PCDHA5: variants seen among roughly 807,000 people sequenced by gnomAD.
PCDHA5 encodes protocadherin alpha-5.
PCDHA5 carries 43 observed loss-of-function variants against 61.6 expected under a neutral mutation model. The ratio of observed to expected loss-of-function variants is 0.70; its 90% CI spans 0.55 to 0.90. PCDHA5 has a LOEUF of 0.90. PCDHA5 is among the 40% of genes least tolerant of loss of function. PCDHA5 has a pLI of 0.00. For missense variants in PCDHA5, 1,298 were observed against 1,222.7 expected, an observed-to-expected ratio of 1.06 and a Z score of -0.92; for synonymous variants, 627 against 543.9, an observed-to-expected ratio of 1.15 and a Z score of -2.13.
intron 1 of PCDHA5, among the ~76,000 whole-genome samples, chr5:140,896,506 A>G (rs1231827987): frequency 2.7e-5 from 4 of 150,856 alleles, no homozygotes; most frequent in African/African-American, 9.7e-5. Flanking sequence ...GGGACTGTGC[A>G]GGCACACACC....
chr5:140,858,376 A>ACATC, intron 1 of PCDHA5: 1 of 1,587,998 alleles, frequency 6.3e-7, no homozygotes, highest in Non-Finnish European at 8.6e-7. Flanking sequence ...GCCTTCCACC[A>ACATC]TGCCCAATGG....
chr5:140,848,986 AGAACGCC>A (rs2040724980), intron 1 of PCDHA5: 1 of 1,597,958 alleles, frequency 6.3e-7, no homozygotes, highest in African/African-American at 1.4e-5. Flanking sequence ...GATATCGGGG[AGAACGCC>A]CTGCTCACTT....
chr5:140,961,648 G>A (rs367674015), intron 1 of PCDHA5, among the ~76,000 whole-genome samples: 1 of 152,156 alleles, frequency 6.6e-6, no homozygotes, highest in African/African-American at 2.4e-5. Flanking sequence ...AGTCTATGTG[G>A]TTAGTTTGAA....
chr5:140,892,332 T>C (rs552266223), intron 1 of PCDHA5, among the ~76,000 whole-genome samples: 41 of 152,392 alleles, frequency 2.7e-4, no homozygotes, highest in African/African-American at 9.9e-4. Flanking sequence ...TTCTCCAGAA[T>C]GGATTTTAAT....
chr5:140,889,831 T>C (rs2062398202), intron 1 of PCDHA5, among the ~76,000 whole-genome samples: 1 of 152,138 alleles, frequency 6.6e-6, no homozygotes, highest in African/African-American at 2.4e-5. Flanking sequence ...AGTCTTACAG[T>C]ATGCTTTGGT....
At chr5:140,860,559 A>G (rs2046453959) in intron 1 of PCDHA5, 1 of 152,222 alleles carries the variant, frequency 6.6e-6, no homozygotes, top group African/African-American at 2.4e-5. Flanking sequence ...TTGAAGAGGT[A>G]CTGATCATAC....
chr5:140,876,862 G>A (rs1554169053), intron 1 of PCDHA5: 2 of 1,614,168 alleles, frequency 1.2e-6, no homozygotes, highest in Non-Finnish European at 1.7e-6. Context: ...CACAGTGTTC[G>A]TGAAGGAGAA....
chr5:140,850,166 C>G (rs1248475012), intron 1 of PCDHA5: 1 of 1,594,750 alleles, frequency 6.3e-7, no homozygotes, highest in Non-Finnish European at 8.6e-7. Context: ...TCGTGCTGGA[C>G]GAGAACGACA....
At chr5:140,829,378 CG>C (rs2150166771) in intron 1 of PCDHA5, 1 of 1,614,062 alleles carries the variant, frequency 6.2e-7, no homozygotes, top group Non-Finnish European at 8.5e-7. Context: ...CCGCGCGGGA[CG>C]GGGGCTCGCC....
rs1554231789 is a variant in PCDHA5 at position 140,969,430 on chromosome 5, A to G, written c.2353-9519A>G. ...CTTTATTGAGTCATTAACAGTGACAAGAGTTATCTGGTAAACTGAGTATAT... is the reference window on the plus strand; with the variant it reads ...CTTTATTGAGTCATTAACAGTGACAGGAGTTATCTGGTAAACTGAGTATAT... On this transcript the variant is annotated intron_variant, in intron 1 of 3. Transcript: ENST00000529859. The G allele has an allele frequency of 1.2e-5, 19 of 1,554,588 alleles. 1 individual carries two copies. The Admixed American group carries it at 3.5e-4, about 29-fold the overall frequency.
chr5:140,863,109 G>A, intron 1 of PCDHA5: 1 of 584,624 alleles, frequency 1.7e-6, no homozygotes, highest in Non-Finnish European at 3.4e-6. Flanking sequence ...CCCTGGACGA[G>A]GCGAAAGCTA....
rs200493520 is a variant in PCDHA5 at position 140,928,140 on chromosome 5, G to T, written c.2353-50809G>T. ...TCAGTGAATACCAAGTCCTGATCAC[G>T]GCCTCAGATAGTGGCTCACCCCCAC... On this transcript the variant is annotated intron_variant, in intron 1 of 3. Transcript: ENST00000529859. The T allele has an allele frequency of 2.5e-6, 4 of 1,614,154 alleles. No homozygotes were observed. In the East Asian group the frequency reaches 6.7e-5, roughly 27 times the overall value.
At chr5:140,996,987 A>G (rs1554255592) in intron 3 of PCDHA5, among the ~76,000 whole-genome samples, 1 of 152,134 alleles carries the variant, frequency 6.6e-6, no homozygotes, top group African/African-American at 2.4e-5. Context: ...TGAAGCAACC[A>G]CTGTTAACAA....
chr5:140,931,086 A>G (rs2087290662), intron 1 of PCDHA5, among the ~76,000 whole-genome samples: 1 of 152,204 alleles, frequency 6.6e-6, no homozygotes, highest in Non-Finnish European at 1.5e-5. Context: ...CCAGTTCTAC[A>G]GATGACAAAG....
intron 1 of PCDHA5, among the ~76,000 whole-genome samples, chr5:140,878,707 A>C (rs1450914173): frequency 2.0e-5 from 3 of 152,232 alleles, no homozygotes; most frequent in Non-Finnish European, 4.4e-5. Context: ...GCCTGGTAGT[A>C]AAGGCATTAA....
intron 1 of PCDHA5, among the ~76,000 whole-genome samples, chr5:140,878,691 A>G (rs2057689901): frequency 6.6e-6 from 1 of 152,168 alleles, no homozygotes; most frequent in Non-Finnish European, 1.5e-5. Context: ...AGTCTTACAT[A>G]CCCCAGCCTG....
intron 1 of PCDHA5, among the ~76,000 whole-genome samples, chr5:140,961,023 A>G (rs1216128174): frequency 6.6e-6 from 1 of 152,146 alleles, no homozygotes. Flanking sequence ...GACACTTGCT[A>G]CCTCCTTGTT....
intron 1 of PCDHA5, among the ~76,000 whole-genome samples, chr5:140,946,059 G>GA (rs2093880331): frequency 6.6e-6 from 1 of 152,156 alleles, no homozygotes; most frequent in East Asian, 1.9e-4. Flanking sequence ...CAGAATGGGA[G>GA]AAAATATTTG....
chr5:140,987,336 A>G (rs2097249605), intron 3 of PCDHA5, among the ~76,000 whole-genome samples: 1 of 152,200 alleles, frequency 6.6e-6, no homozygotes, highest in Admixed American at 6.5e-5. Context: ...GAACTGGTCT[A>G]AGGTAAATAT....
Sources: allele counts gnomAD v4.1 joint callset (sites outside exome capture counted in the v4.1 genomes callset), GRCh38; gene constraint gnomAD v4.1.1; transcripts MANE v1.5; gene names NCBI Gene and HGNC (gene_info 2026-07-23, HGNC 2026-07-21).